Variants in ERBB4 observed in about 807,000 individuals in gnomAD.
The protein encoded by ERBB4 is erb-b2 receptor tyrosine kinase 4.
ERBB4 carries 42 observed loss-of-function variants against 158.0 expected under a neutral mutation model. The ratio of observed to expected loss-of-function variants is 0.27; its 90% CI spans 0.21 to 0.34. The LOEUF (loss-of-function observed/expected upper bound fraction) is 0.34, where lower values mean the gene tolerates loss of function less well. Among genes scored for constraint, ERBB4 ranks in the 10% least tolerant of loss-of-function variants. The probability of loss-of-function intolerance (pLI) is 1.00; values close to 1 mark genes in which losing one functional copy is unlikely to be tolerated. For missense variants in ERBB4, 1,333 were observed against 1,624.1 expected, an observed-to-expected ratio of 0.82 and a Z score of 3.08; for synonymous variants, 583 against 558.7, an observed-to-expected ratio of 1.04 and a Z score of -0.61.
intron 2 of ERBB4, among the ~76,000 whole-genome samples, chr2:211,973,500 C>T (rs2371433): frequency 0.22 from 34,128 of 151,850 alleles, 4,030 homozygotes; most frequent in African/African-American, 0.29. Flanking sequence ...CGTGCCCAGC[C>T]GGGAAATTAA....
chr2:212,512,167 G>A (rs554081488), intron 1 of ERBB4, among the ~76,000 whole-genome samples: 62 of 152,084 alleles, frequency 4.1e-4, no homozygotes, highest in Non-Finnish European at 8.2e-4. Context: ...GCAAGGAAGA[G>A]GTAAAGGAAG....
chr2:211,745,350 C>G (rs556460777), intron 5 of ERBB4, among the ~76,000 whole-genome samples: 2 of 152,056 alleles, frequency 1.3e-5, no homozygotes, highest in South Asian at 4.2e-4. Flanking sequence ...TACTTTTTGC[C>G]TCAGGATGCT....
chr2:212,538,456 A>C lies in ERBB4; in HGVS notation c.75T>G (p.Ser25=), dbSNP rs769313938. Reference sequence around the variant, plus strand: ...GTGCCAGAAGGAACCCACCTGACTGAGAATCGCTGGGCTGGACGGTCCCCG... The same window carrying C: ...GTGCCAGAAGGAACCCACCTGACTGCGAATCGCTGGGCTGGACGGTCCCCG... ...VAAGTVQPSD[S]QSVCAGTENK... The change falls in exon 1 of 28, where the codon TCT becomes TCG. Residue 25 remains serine, a synonymous_variant. Transcript: ENST00000342788. 1.9e-6 allele frequency: 3 copies of C among 1,613,862 alleles called. No individual in the cohort carries two copies. In the South Asian group the frequency reaches 3.3e-5, roughly 18 times the overall value.
chr2:212,372,736 G>A lies in ERBB4; in HGVS notation c.82+165713C>T, dbSNP rs548738137. 7.9e-5 allele frequency among the ~76,000 whole-genome samples: 12 copies of A among 152,256 alleles called. No homozygotes were observed. In the South Asian group the frequency reaches 1.2e-3, roughly 16 times the overall value. On this transcript the variant is annotated intron_variant, in intron 1 of 27. Transcript: ENST00000342788. Reference sequence around the variant, plus strand: ...TGCACTCCAGCCTGGGCGACAGAGCGAGACTCCGTCTCAAAACAAAAACAA... The same window carrying A: ...TGCACTCCAGCCTGGGCGACAGAGCAAGACTCCGTCTCAAAACAAAAACAA...
chr2:212,528,661 T>G (rs963920469), intron 1 of ERBB4, among the ~76,000 whole-genome samples: 1 of 152,174 alleles, frequency 6.6e-6, no homozygotes, highest in Admixed American at 6.5e-5. Context: ...TGCACCCTAG[T>G]GGCCTAGAAA....
intron 14 of ERBB4, among the ~76,000 whole-genome samples, chr2:211,668,152 A>G (rs1439201302): frequency 6.6e-6 from 1 of 152,240 alleles, no homozygotes; most frequent in Non-Finnish European, 1.5e-5. Flanking sequence ...AAACATATCT[A>G]AATGTAGAAA....
In ERBB4 at chr2:212,004,528, C is replaced by G. The variant is rs562036645; in HGVS notation, c.235-56912G>C. ...ATTGGGTTTGCAATAAGTCTGCCAA[C>G]TGATTTCTAGGGAATGATTTCTAAG... On this transcript the variant is annotated intron_variant, in intron 2 of 27. Coordinates refer to ENST00000342788, the MANE Select transcript of ERBB4 (RefSeq NM_005235.3). 2.0e-5 allele frequency among the ~76,000 whole-genome samples: 3 copies of G among 152,270 alleles called. No homozygotes were observed. In the East Asian group the frequency reaches 5.8e-4, roughly 29 times the overall value.
chr2:212,177,930 AAG>A (rs2081725065), intron 1 of ERBB4, among the ~76,000 whole-genome samples: 2 of 146,744 alleles, frequency 1.4e-5, no homozygotes, highest in South Asian at 4.4e-4. Context: ...TAAAAAGGCA[AAG>A]AGTGTTTGTG....
At chr2:211,803,651 G>A (rs1033086746) in intron 3 of ERBB4, among the ~76,000 whole-genome samples, 5 of 152,140 alleles carry the variant, frequency 3.3e-5, no homozygotes, top group African/African-American at 7.2e-5. Flanking sequence ...AGAATTTATC[G>A]GTAAATTCCC....
chr2:212,281,709 CAAAT>C (rs1168144979), intron 1 of ERBB4, among the ~76,000 whole-genome samples: 1 of 151,842 alleles, frequency 6.6e-6, no homozygotes, highest in Non-Finnish European at 1.5e-5. Flanking sequence ...TGTGGTTCAT[CAAAT>C]AACCTGGAGC....
At chr2:212,285,397 T>G (rs1220269155) in intron 1 of ERBB4, among the ~76,000 whole-genome samples, 2 of 152,040 alleles carry the variant, frequency 1.3e-5, no homozygotes, top group African/African-American at 4.8e-5. Flanking sequence ...GTGATTTTTT[T>G]TTTTTTTGCC....
intron 3 of ERBB4, among the ~76,000 whole-genome samples, chr2:211,875,050 A>AAC (rs66500425): frequency 0.092 from 6,665 of 72,480 alleles, 252 homozygotes; most frequent in South Asian, 0.12. Context: ...AAAAAAAAAA[A>AAC]CAAACTCAAA....
intron 3 of ERBB4, among the ~76,000 whole-genome samples, chr2:211,802,322 A>G (rs548396290): frequency 3.7e-4 from 57 of 152,150 alleles, no homozygotes; most frequent in Admixed American, 2.4e-3. Context: ...TAAGAGTACC[A>G]ATAGTGTCCT....
intron 1 of ERBB4, among the ~76,000 whole-genome samples, chr2:212,323,020 C>G (rs145213255): frequency 2.0e-5 from 3 of 150,384 alleles, no homozygotes; most frequent in African/African-American, 7.3e-5. Flanking sequence ...GGATTGTTAA[C>G]TCACATTTAA....
chr2:211,399,092 A>G (rs2062980581), intron 25 of ERBB4, among the ~76,000 whole-genome samples: 1 of 152,228 alleles, frequency 6.6e-6, no homozygotes, highest in African/African-American at 2.4e-5. Context: ...TGCCTTGATT[A>G]CATCGTGATC....
In ERBB4 at chr2:211,529,438, C is replaced by T. The variant is rs897627012; in HGVS notation, c.2487+32465G>A. Reference sequence around the variant, plus strand: ...CTACCAAATATTTAAAGAACTAATACCAATCCTATTCAAACTATTCCAAAA... The same window carrying T: ...CTACCAAATATTTAAAGAACTAATATCAATCCTATTCAAACTATTCCAAAA... On this transcript the variant is annotated intron_variant, in intron 20 of 27. Transcript: ENST00000342788. Among the ~76,000 whole-genome samples, 4 of 152,030 alleles carry T rather than the reference C, an allele frequency of 2.6e-5. No individual in the cohort carries two copies. The East Asian group carries it at 7.7e-4, about 29-fold the overall frequency.
chr2:212,062,561 C>A (rs2077812861), intron 2 of ERBB4, among the ~76,000 whole-genome samples: 1 of 151,916 alleles, frequency 6.6e-6, no homozygotes, highest in African/African-American at 2.4e-5. Context: ...GCATGCACCA[C>A]CATGCTCAAC....
At chr2:212,341,402 C>T (rs549321019) in intron 1 of ERBB4, among the ~76,000 whole-genome samples, 1 of 151,636 alleles carries the variant, frequency 6.6e-6, no homozygotes, top group South Asian at 2.1e-4. Context: ...TAGGTATAGC[C>T]CCTACAGTGT....
chr2:212,020,516 A>G (rs945573873), intron 2 of ERBB4, among the ~76,000 whole-genome samples: 8 of 152,046 alleles, frequency 5.3e-5, no homozygotes, highest in Non-Finnish European at 1.5e-5. Context: ...GTTAACTTAT[A>G]TATCTATTGG....
Sources: gnomAD v4.1 joint callset for allele counts (sites outside exome capture counted in the v4.1 genomes callset) on GRCh38, gnomAD v4.1.1 for gene constraint, MANE v1.5 for transcripts, NCBI Gene and HGNC (gene_info 2026-07-23, HGNC 2026-07-21) for gene names.